VTI1A: variants seen among roughly 807,000 people sequenced by gnomAD.
VTI1A encodes vesicle transport through interaction with t-SNAREs 1A, also known as vesicle transport through interaction with t-SNAREs homolog 1A.
VTI1A carries 22 observed loss-of-function variants against 34.9 expected under a neutral mutation model. The ratio of observed to expected loss-of-function variants is 0.63; its 90% CI spans 0.45 to 0.90. The LOEUF (loss-of-function observed/expected upper bound fraction) is 0.90, where lower values mean the gene tolerates loss of function less well. Among genes scored for constraint, VTI1A ranks in the 40% least tolerant of loss-of-function variants. The pLI is 0.00. For missense variants in VTI1A, 268 were observed against 275.6 expected (o/e 0.97, Z 0.20); for synonymous variants, 87 against 97.3 (o/e 0.89, Z 0.62).
chr10:112,687,999 A>G (rs1848482625), intron 7 of VTI1A, among the ~76,000 whole-genome samples: 1 of 143,830 alleles, frequency 7.0e-6, no homozygotes, highest in Non-Finnish European at 1.5e-5. Flanking sequence ...TGTCACCCAG[A>G]CTGGATTGCA....
chr10:112,672,616 T>G (rs1847890586), intron 7 of VTI1A: 1 of 152,152 alleles, frequency 6.6e-6, no homozygotes, highest in Non-Finnish European at 1.5e-5. Context: ...TTCACAAAAT[T>G]TGATTATTAT....
At chr10:112,537,003 G>A (rs970510652) in intron 4 of VTI1A, among the ~76,000 whole-genome samples, 2 of 151,974 alleles carry the variant, frequency 1.3e-5, no homozygotes, top group Non-Finnish European at 2.9e-5. Context: ...TGTCAATACA[G>A]CTTGCATCTC....
chr10:112,670,222 C>T (rs947469652), intron 7 of VTI1A, among the ~76,000 whole-genome samples: 2 of 152,108 alleles, frequency 1.3e-5, no homozygotes, highest in African/African-American at 4.8e-5. Context: ...GCTCCTGCGT[C>T]GTGAGCTGTA....
chr10:112,774,353 G>T (rs1851897466), intron 7 of VTI1A, among the ~76,000 whole-genome samples: 1 of 152,156 alleles, frequency 6.6e-6, no homozygotes, highest in Non-Finnish European at 1.5e-5. Flanking sequence ...AAGAAGTGGT[G>T]GGAAATCCAT....
rs1442850187 is a variant in VTI1A at position 112,810,120 on chromosome 10, CG to C, written c.561-5168del. On this transcript the variant is annotated intron_variant, in intron 7 of 7. Transcript: ENST00000393077. ...TTAAAAAAAAAAAAATGTTCACTGT[CG>C]GCCTGGCATGGTGGCTCACACTTGT... 3.3e-5 allele frequency among the ~76,000 whole-genome samples: 5 copies of C among 151,796 alleles called. No homozygotes were observed. The South Asian group carries it at 6.2e-4, about 19-fold the overall frequency.
At chr10:112,645,098 G>T (rs1214118708) in intron 5 of VTI1A, among the ~76,000 whole-genome samples, 1 of 152,290 alleles carries the variant, frequency 6.6e-6, no homozygotes, top group African/African-American at 2.4e-5. Flanking sequence ...AAGAGCCATT[G>T]TAGCTCACTA....
intron 7 of VTI1A, among the ~76,000 whole-genome samples, chr10:112,760,947 T>C (rs1851444365): frequency 6.6e-6 from 1 of 150,542 alleles, no homozygotes. Context: ...CATTGATGTA[T>C]AATATTAACT....
At chr10:112,490,217 C>T (rs1283362238) in intron 3 of VTI1A, among the ~76,000 whole-genome samples, 1 of 151,988 alleles carries the variant, frequency 6.6e-6, no homozygotes, top group Non-Finnish European at 1.5e-5. Flanking sequence ...AAATGTATTT[C>T]TGCTGTTTCT....
chr10:112,849,221 C>G, the VTI1A span, among the ~76,000 whole-genome samples: 2 of 152,232 alleles, frequency 1.3e-5, no homozygotes, highest in Non-Finnish European at 2.9e-5. Context: ...ACAACACATG[C>G]TAAGCTGTTC....
chr10:112,646,525 CT>C (rs34886969), intron 5 of VTI1A, among the ~76,000 whole-genome samples: 437 of 141,502 alleles, frequency 3.1e-3, no homozygotes, highest in Middle Eastern at 7.2e-3. Flanking sequence ...GTACCATGTT[CT>C]TTTTTTTTTT....
chr10:112,537,662 CAT>C (rs1181044908), intron 4 of VTI1A, among the ~76,000 whole-genome samples: 5 of 152,112 alleles, frequency 3.3e-5, no homozygotes, highest in South Asian at 4.1e-4. Context: ...AATGGAGAAA[CAT>C]GTGTCTCTTG....
At chr10:112,737,988 A>G (rs978008922) in intron 7 of VTI1A, 1 of 693,220 alleles carries the variant, frequency 1.4e-6, no homozygotes, top group Middle Eastern at 7.4e-4. Flanking sequence ...TCCGATGTCC[A>G]GAGATCAAGA....
chr10:112,521,283 A>G (rs1017666112), intron 3 of VTI1A, among the ~76,000 whole-genome samples: 1 of 152,070 alleles, frequency 6.6e-6, no homozygotes, highest in African/African-American at 2.4e-5. Flanking sequence ...ACACCACCAT[A>G]AAATAAGGAA....
At position 112,708,121 on chromosome 10, in the gene VTI1A, T is replaced by C. The variant is rs537728478; in HGVS notation, c.560+39123T>C. 3.9e-5 allele frequency among the ~76,000 whole-genome samples: 6 copies of C among 152,352 alleles called. No individual in the cohort carries two copies. The South Asian group carries it at 1.2e-3, about 32-fold the overall frequency. On this transcript the variant is annotated intron_variant, in intron 7 of 7. Transcript: ENST00000393077. Reference sequence around the variant, plus strand: ...GAAGCTAAACACAAGGACTCATTGCTTCTCACTGGTATCAGTGGGCCTGTC... The same window carrying C: ...GAAGCTAAACACAAGGACTCATTGCCTCTCACTGGTATCAGTGGGCCTGTC...
At chr10:112,461,924 C>G (rs779775426) in intron 2 of VTI1A, among the ~76,000 whole-genome samples, 1 of 152,202 alleles carries the variant, frequency 6.6e-6, no homozygotes, top group Admixed American at 6.5e-5. Context: ...TCATGTTAGC[C>G]AGGCTGGTCT....
chr10:112,502,847 T>C (rs1849291496), intron 3 of VTI1A, among the ~76,000 whole-genome samples: 1 of 152,238 alleles, frequency 6.6e-6, no homozygotes, highest in South Asian at 2.1e-4. Context: ...CTTCTTTCTT[T>C]TATCATAATT....
At chr10:112,493,627 G>A (rs1441184317) in intron 3 of VTI1A, among the ~76,000 whole-genome samples, 1 of 151,964 alleles carries the variant, frequency 6.6e-6, no homozygotes, top group Admixed American at 6.6e-5. Flanking sequence ...CCCTTTATCT[G>A]GTTGAGGAAT....
At chr10:112,522,112 T>C (rs530605467) in intron 3 of VTI1A, among the ~76,000 whole-genome samples, 1 of 152,208 alleles carries the variant, frequency 6.6e-6, no homozygotes, top group South Asian at 2.1e-4. Context: ...TCAATATAAT[T>C]TCATGGTTTT....
chr10:112,822,914 G>C (rs1853680359), downstream of VTI1A, among the ~76,000 whole-genome samples: 1 of 152,166 alleles, frequency 6.6e-6, no homozygotes, highest in Non-Finnish European at 1.5e-5. Flanking sequence ...GATAAGAAAA[G>C]AAAGAAGGTA....
Sources: gnomAD v4.1 joint callset for allele counts (sites outside exome capture counted in the v4.1 genomes callset) on GRCh38, gnomAD v4.1.1 for gene constraint, MANE v1.5 for transcripts, NCBI Gene and HGNC (gene_info 2026-07-23, HGNC 2026-07-21) for gene names.